The following MAP2K5 variants were observed in gnomAD, a reference collection of about 807,000 sequenced individuals.
MAP2K5 encodes dual specificity mitogen-activated protein kinase kinase 5.
In MAP2K5, 49 loss-of-function variants were observed where a neutral mutation model predicts 83.1. The observed-to-expected ratio is 0.59, with a 90% CI of 0.47 to 0.75. The LOEUF (loss-of-function observed/expected upper bound fraction) is 0.75, where lower values mean the gene tolerates loss of function less well. Ranked by LOEUF, MAP2K5 falls within the 30% of genes least tolerant of loss-of-function variation. MAP2K5 has a pLI of 0.00. For missense variants in MAP2K5, 457 were observed against 557.5 expected (o/e 0.82, Z 1.82); for synonymous variants, 202 against 191.8 (o/e 1.05, Z -0.44).
At chr15:67,608,802 T>G (rs1160758748) in intron 8 of MAP2K5, among the ~76,000 whole-genome samples, 9 of 152,164 alleles carry the variant, frequency 5.9e-5, no homozygotes, top group Non-Finnish European at 1.3e-4. Context: ...ACAGTCGGCC[T>G]TTGGTTAGAG....
At chr15:67,621,220 A>T (rs910726841) in intron 8 of MAP2K5, among the ~76,000 whole-genome samples, 1 of 152,150 alleles carries the variant, frequency 6.6e-6, no homozygotes, top group South Asian at 2.1e-4. Context: ...TGAAAATACA[A>T]ATATTTACAA....
At chr15:67,603,924 ATTT>A (rs1276686697) in intron 8 of MAP2K5, among the ~76,000 whole-genome samples, 1 of 152,170 alleles carries the variant, frequency 6.6e-6, no homozygotes, top group Non-Finnish European at 1.5e-5. Flanking sequence ...GGCTTATTCC[ATTT>A]TTTTCTTTAA....
chr15:67,628,085 G>A, intron 8 of MAP2K5: 3 of 751,910 alleles, frequency 4.0e-6, no homozygotes, highest in South Asian at 1.3e-5. Context: ...CACGCAAGGT[G>A]GACGGAAGAG....
chr15:67,627,565 T>TA (rs1157282926), intron 8 of MAP2K5, among the ~76,000 whole-genome samples: 2 of 152,224 alleles, frequency 1.3e-5, no homozygotes, highest in Admixed American at 1.3e-4. Context: ...TGTAGTTTCC[T>TA]AGTCTTGCCT....
intron 8 of MAP2K5, among the ~76,000 whole-genome samples, chr15:67,626,788 G>GTA (rs2086334993): frequency 6.6e-6 from 1 of 151,538 alleles, no homozygotes; most frequent in Non-Finnish European, 1.5e-5. Flanking sequence ...TAGTACCAGC[G>GTA]GTTTGGGAGG....
At chr15:67,674,120 T>G (rs1596770115) in intron 13 of MAP2K5, among the ~76,000 whole-genome samples, 1 of 152,292 alleles carries the variant, frequency 6.6e-6, no homozygotes, top group Middle Eastern at 3.4e-3. Context: ...GTGCTGAGAT[T>G]ACAGGCATGA....
intron 8 of MAP2K5, chr15:67,628,882 C>G: frequency 2.7e-6 from 2 of 748,150 alleles, no homozygotes; most frequent in Non-Finnish European, 4.9e-6. Context: ...GTGGATATGG[C>G]GGCAGTGGGG....
intron 19 of MAP2K5, among the ~76,000 whole-genome samples, chr15:67,763,631 A>AT (rs1183302649): frequency 6.6e-6 from 1 of 150,382 alleles, no homozygotes; most frequent in Admixed American, 6.6e-5. Flanking sequence ...GTTTTTTTTC[A>AT]TTTTTTTGTT....
chr15:67,718,569 G>A (rs1334547343), intron 16 of MAP2K5, among the ~76,000 whole-genome samples: 3 of 152,024 alleles, frequency 2.0e-5, no homozygotes, highest in Non-Finnish European at 2.9e-5. Context: ...TTTGAGACCA[G>A]CCTGGCCAAC....
At chr15:67,666,256 A>G (rs751680888) in intron 13 of MAP2K5, among the ~76,000 whole-genome samples, 1 of 152,222 alleles carries the variant, frequency 6.6e-6, no homozygotes, top group Non-Finnish European at 1.5e-5. Flanking sequence ...TAGCACAAAG[A>G]ACTATAGTGG....
Position 67,769,911 on chromosome 15 carries a change from A to C in MAP2K5, c.1196+248A>C. 1 of 390,822 alleles carries C rather than the reference A, an allele frequency of 2.6e-6. No individual in the cohort carries two copies. The highest frequency in any genetic ancestry group is 4.6e-6 in the Non-Finnish European group (1 of 217,882). 24.2% of individuals were successfully genotyped at this position (390,822 alleles called of 1,614,324 possible). A position where few individuals can be genotyped will look rare whatever the true frequency, so the allele number is the denominator to read the frequency against. Reference sequence around the variant, plus strand: ...TTAATAAACTGCTGAAAGTCATGATACTTCTTTAAGCACAAATACTGTTGC... The same window carrying C: ...TTAATAAACTGCTGAAAGTCATGATCCTTCTTTAAGCACAAATACTGTTGC... On this transcript the variant is annotated intron_variant, in intron 20 of 21. Coordinates refer to ENST00000178640, the MANE Select transcript of MAP2K5 (RefSeq NM_145160.3). This position sits in a 1 kb window ranked among gnomAD's most constrained non-coding sequence, Gnocchi z 5.2.
intron 9 of MAP2K5, chr15:67,642,305 C>A: frequency 1.6e-6 from 1 of 644,404 alleles, no homozygotes; most frequent in Non-Finnish European, 2.6e-6. Flanking sequence ...CTAGGCACTA[C>A]TGTGAGTTAG....
At chr15:67,685,980 T>G (rs910884211) in intron 13 of MAP2K5, among the ~76,000 whole-genome samples, 1 of 152,230 alleles carries the variant, frequency 6.6e-6, no homozygotes, top group Non-Finnish European at 1.5e-5. Flanking sequence ...TATCCACTTA[T>G]GACTCTTTAC....
intron 17 of MAP2K5, among the ~76,000 whole-genome samples, chr15:67,741,556 G>A (rs894735693): frequency 1.3e-5 from 2 of 152,068 alleles, no homozygotes; most frequent in African/African-American, 4.8e-5. Context: ...TGTGCCCAGG[G>A]GATTTAGATG....
chr15:67,555,886 C>G lies in MAP2K5; in HGVS notation c.184+5804C>G, dbSNP rs565417480. ...GCAACCTCCACCTCAGGGGTTCAAG[C>G]GATTCTCCTGCCTCAGCCTCCCAAG... On this transcript the variant is annotated intron_variant, in intron 2 of 21. Coordinates refer to ENST00000178640, the MANE Select transcript of MAP2K5 (RefSeq NM_145160.3). This position sits in a 1 kb window ranked among gnomAD's most constrained non-coding sequence, Gnocchi z 5.2. 6.6e-6 allele frequency among the ~76,000 whole-genome samples: 1 copy of G among 151,724 alleles called. No homozygotes were observed. The highest frequency in any genetic ancestry group is 1.5e-5 in the Non-Finnish European group (1 of 67,950).
At chr15:67,567,392 C>T (rs866448575) in intron 3 of MAP2K5, among the ~76,000 whole-genome samples, 1 of 143,108 alleles carries the variant, frequency 7.0e-6, no homozygotes, top group African/African-American at 2.6e-5. Context: ...GAGTCTCGCT[C>T]TGTCGCCCAG....
chr15:67,766,739 A>G (rs2090049030), intron 19 of MAP2K5, among the ~76,000 whole-genome samples: 1 of 152,230 alleles, frequency 6.6e-6, no homozygotes, highest in African/African-American at 2.4e-5. Context: ...TGTACTGTCA[A>G]GTCCTGCAGT....
chr15:67,688,934 C>T (rs1444448291), intron 13 of MAP2K5, among the ~76,000 whole-genome samples: 1 of 152,058 alleles, frequency 6.6e-6, no homozygotes, highest in African/African-American at 2.4e-5. Context: ...TTTATATTAG[C>T]AAATTTAATG....
chr15:67,586,995 A>G, intron 6 of MAP2K5, 82 bp downstream of exon 6: 1 of 1,400,802 alleles, frequency 7.1e-7, no homozygotes, highest in Non-Finnish European at 1.0e-6. Context: ...CTAGAAAGAA[A>G]TTTGACCAGT....
Sources: gnomAD v4.1 joint callset for allele counts (sites outside exome capture counted in the v4.1 genomes callset) on GRCh38, gnomAD v4.1.1 for gene constraint, Gnocchi (gnomAD v3.1) non-coding constraint, MANE v1.5 for transcripts, NCBI Gene and HGNC (gene_info 2026-07-23, HGNC 2026-07-21) for gene names.